Variants in NLK observed in about 807,000 individuals in gnomAD.
The protein encoded by NLK is serine/threonine-protein kinase NLK.
NLK carries 11 observed loss-of-function variants against 59.0 expected under a neutral mutation model. The ratio of observed to expected loss-of-function variants is 0.19; its 90% CI spans 0.12 to 0.31. NLK has a LOEUF of 0.31. Among genes scored for constraint, NLK ranks in the 10% least tolerant of loss-of-function variants. The probability of loss-of-function intolerance (pLI) is 1.00; values close to 1 mark genes in which losing one functional copy is unlikely to be tolerated. For missense variants in NLK, 410 were observed against 661.1 expected, an observed-to-expected ratio of 0.62 and a Z score of 4.16; for synonymous variants, 235 against 235.9, an observed-to-expected ratio of 1.00 and a Z score of 0.03.
chr17:28,142,861 G>A (rs1287225807), intron 3 of NLK, among the ~76,000 whole-genome samples: 1 of 152,106 alleles, frequency 6.6e-6, no homozygotes, highest in Non-Finnish European at 1.5e-5. Context: ...GTGCTTAACT[G>A]TGTTATTGCT....
At chr17:28,201,907 T>G in the NLK span, among the ~76,000 whole-genome samples, 11 of 151,848 alleles carry the variant, frequency 7.2e-5, no homozygotes, top group African/African-American at 2.7e-4. Flanking sequence ...TCCCAGACAC[T>G]TAGGAGGCTG....
chr17:28,158,437 G>A (rs1276532782), intron 3 of NLK, among the ~76,000 whole-genome samples: 1 of 152,126 alleles, frequency 6.6e-6, no homozygotes, highest in Non-Finnish European at 1.5e-5. Context: ...ACATTACTGT[G>A]CATTACTATA....
intron 1 of NLK, among the ~76,000 whole-genome samples, chr17:28,107,593 A>G: frequency 6.6e-6 from 1 of 152,000 alleles, no homozygotes. Flanking sequence ...AGATGAAAAA[A>G]CTCTAAGAAT....
At chr17:28,157,965 T>C (rs1346342242) in intron 3 of NLK, among the ~76,000 whole-genome samples, 1 of 152,228 alleles carries the variant, frequency 6.6e-6, no homozygotes, top group Non-Finnish European at 1.5e-5. Context: ...TAGGATAAAT[T>C]TGTGAACAAA....
chr17:28,190,725 T>C (rs764823417), intron 8 of NLK, among the ~76,000 whole-genome samples: 1 of 152,096 alleles, frequency 6.6e-6, no homozygotes, highest in African/African-American at 2.4e-5. Flanking sequence ...TGTCATGATA[T>C]TTGTGATTTT....
At chr17:28,094,813 T>C (rs1447461303) in intron 1 of NLK, among the ~76,000 whole-genome samples, 1 of 152,208 alleles carries the variant, frequency 6.6e-6, no homozygotes, top group Non-Finnish European at 1.5e-5. Context: ...GGCTTCAAGA[T>C]GGATAGAGTA....
At chr17:28,080,094 C>T (rs1433100374) in intron 1 of NLK, among the ~76,000 whole-genome samples, 1 of 152,152 alleles carries the variant, frequency 6.6e-6, no homozygotes, top group African/African-American at 2.4e-5. Context: ...GATCTACAAA[C>T]TGCTGAAATT....
rs570985632 is a variant in NLK, at chr17:28,048,865, A to G, written c.458+5534A>G. On this transcript the variant is annotated intron_variant, in intron 1 of 10. Coordinates refer to ENST00000407008, the MANE Select transcript of NLK (RefSeq NM_016231.5). ...TCTTTGATGGAGATTGTCAAGGCCA[A>G]AGAAACTTTTTCATTTGTCATCCAA... 2.0e-5 allele frequency: 3 copies of G among 152,352 alleles called. No individual in the cohort carries two copies. The East Asian group carries it at 5.8e-4, about 29-fold the overall frequency. 9.4% of individuals were successfully genotyped at this position (152,352 alleles called of 1,614,324 possible). A position where few individuals can be genotyped will look rare whatever the true frequency, so the allele number is the denominator to read the frequency against.
At chr17:28,073,040 A>G (rs1256102698) in intron 1 of NLK, among the ~76,000 whole-genome samples, 1 of 151,048 alleles carries the variant, frequency 6.6e-6, no homozygotes, top group Non-Finnish European at 1.5e-5. Flanking sequence ...TTTTCCAGAG[A>G]TGATGTGAGT....
At position 28,087,572 on chromosome 17, in the gene NLK, G is replaced by A. The variant is rs567364517; in HGVS notation, c.459-35031G>A. On this transcript the variant is annotated intron_variant, in intron 1 of 10. Coordinates refer to ENST00000407008, the MANE Select transcript of NLK (RefSeq NM_016231.5). ...GGGGCTATGGTATAGAAACAGATTA[G>A]GTAAGAGCATACGGGCATATTTGGG... Among the ~76,000 whole-genome samples the A allele has an allele frequency of 1.2e-4, 19 of 152,318 alleles. No individual in the cohort carries two copies. In the East Asian group the frequency reaches 2.5e-3, roughly 20 times the overall value.
chr17:28,076,075 A>G (rs572153674), intron 1 of NLK, among the ~76,000 whole-genome samples: 18 of 152,314 alleles, frequency 1.2e-4, no homozygotes, highest in Admixed American at 5.9e-4. Context: ...TGCTTTGCCA[A>G]CATTTGTGAT....
At chr17:28,192,565 G>C (rs1909344132) in intron 10 of NLK, among the ~76,000 whole-genome samples, 1 of 152,136 alleles carries the variant, frequency 6.6e-6, no homozygotes, top group Admixed American at 6.5e-5. Context: ...CTACTTGGGA[G>C]GCTGAGGCAG....
chr17:28,077,799 TAAAC>T (rs1328889472), intron 1 of NLK, among the ~76,000 whole-genome samples: 2 of 152,184 alleles, frequency 1.3e-5, no homozygotes, highest in Non-Finnish European at 2.9e-5. Context: ...CTGGAAATAA[TAAAC>T]TAACTATAGA....
chr17:28,048,056 T>C (rs1023301942), intron 1 of NLK: 11 of 397,928 alleles, frequency 2.8e-5, no homozygotes, highest in African/African-American at 2.3e-4. Context: ...ACGGTTGCTC[T>C]TCTAGACATA....
At chr17:28,088,818 G>A (rs966570472) in intron 1 of NLK, among the ~76,000 whole-genome samples, 1 of 152,092 alleles carries the variant, frequency 6.6e-6, no homozygotes, top group African/African-American at 2.4e-5. Context: ...GGTACTCATC[G>A]CTTGGGTTTG....
At chr17:28,173,889 C>G (rs1908568530) in intron 7 of NLK, among the ~76,000 whole-genome samples, 1 of 152,170 alleles carries the variant, frequency 6.6e-6, no homozygotes, top group African/African-American at 2.4e-5. Flanking sequence ...TTGCCTGGTT[C>G]AAGGTAAACA....
At chr17:28,123,979 C>CA (rs1906185765) in intron 2 of NLK, among the ~76,000 whole-genome samples, 1 of 152,146 alleles carries the variant, frequency 6.6e-6, no homozygotes, top group Middle Eastern at 3.4e-3. Context: ...CTTATTTGCA[C>CA]AAAAAACTCG....
intron 1 of NLK, among the ~76,000 whole-genome samples, chr17:28,096,977 TTG>T (rs1314853633): frequency 1.3e-5 from 2 of 152,120 alleles, no homozygotes; most frequent in African/African-American, 2.4e-5. Context: ...TTTTCATGCT[TTG>T]TGTTATCCAG....
At chr17:28,205,123 G>C in the NLK span, among the ~76,000 whole-genome samples, 1 of 152,204 alleles carries the variant, frequency 6.6e-6, no homozygotes, top group Non-Finnish European at 1.5e-5. Context: ...GCTAAGATAA[G>C]GGTGAGCTAC....
Sources: gnomAD v4.1 joint callset for allele counts (sites outside exome capture counted in the v4.1 genomes callset) on GRCh38, gnomAD v4.1.1 for gene constraint, MANE v1.5 for transcripts, NCBI Gene and HGNC (gene_info 2026-07-23, HGNC 2026-07-21) for gene names.